FSTL4: variants seen among roughly 807,000 people sequenced by gnomAD.
The protein encoded by FSTL4 is follistatin like 4.
In FSTL4, 28 loss-of-function variants were observed where a neutral mutation model predicts 78.2. The ratio of observed to expected loss-of-function variants is 0.36; its 90% CI spans 0.27 to 0.49. The LOEUF is 0.49. Ranked by LOEUF, FSTL4 falls within the 20% of genes least tolerant of loss-of-function variation. The pLI, the probability that FSTL4 is intolerant of heterozygous loss-of-function variation, is 0.98. For missense variants in FSTL4, 922 were observed against 1,084.9 expected, an observed-to-expected ratio of 0.85 and a Z score of 2.11; for synonymous variants, 422 against 440.5, an observed-to-expected ratio of 0.96 and a Z score of 0.53.
At chr5:133,750,340 C>T in the FSTL4 span, among the ~76,000 whole-genome samples, 1 of 152,188 alleles carries the variant, frequency 6.6e-6, no homozygotes, top group Admixed American at 6.5e-5. Context: ...GCAGAAGGTG[C>T]TTTTTGGAGA....
In FSTL4 at chr5:133,292,737, C is replaced by CAA. The variant is rs35265254; in HGVS notation, c.727+19915_727+19916dup. 3.7e-3 allele frequency among the ~76,000 whole-genome samples: 535 copies of CAA among 145,438 alleles called. 3 individuals are homozygous for CAA. Among genetic ancestry groups the CAA allele is most frequent in the Middle Eastern group, 6.9e-3 (2 of 288 alleles). On this transcript the variant is annotated intron_variant, in intron 6 of 15. Coordinates refer to ENST00000265342, the MANE Select transcript of FSTL4 (RefSeq NM_015082.2). ...TATTTTATTATAAGGTGAAAAGAGA[C>CAA]AAAAAAAAAATCCTCACAAGGGAAA...
At chr5:133,684,753 C>G in the FSTL4 span, among the ~76,000 whole-genome samples, 1 of 152,162 alleles carries the variant, frequency 6.6e-6, no homozygotes, top group Non-Finnish European at 1.5e-5. Context: ...GCATGGATAT[C>G]ACCCACGGTG....
the FSTL4 span, among the ~76,000 whole-genome samples, chr5:133,635,075 TAA>T: frequency 8.8e-5 from 13 of 148,356 alleles, no homozygotes; most frequent in Admixed American, 2.0e-4. Context: ...TTTTATTCTT[TAA>T]AAAAAAAAAA....
chr5:133,617,655 C>G, the FSTL4 span, among the ~76,000 whole-genome samples: 9,755 of 152,258 alleles, frequency 0.064, 342 homozygotes, highest in Non-Finnish European at 0.073. Context: ...TTCCCCTTCC[C>G]TGCACCTGCT....
At chr5:133,813,145 C>G in the FSTL4 span, among the ~76,000 whole-genome samples, 4 of 150,560 alleles carry the variant, frequency 2.7e-5, no homozygotes, top group Non-Finnish European at 5.9e-5. Flanking sequence ...GGAGGAGAGT[C>G]CACTCTCCTC....
the FSTL4 span, among the ~76,000 whole-genome samples, chr5:133,671,569 C>T: frequency 1.8e-3 from 271 of 152,318 alleles, 1 homozygote; most frequent in Middle Eastern, 0.01. Flanking sequence ...AGGGTACACT[C>T]GCCAGCAGTT....
the FSTL4 span, among the ~76,000 whole-genome samples, chr5:133,660,003 G>C: frequency 1.3e-5 from 2 of 152,194 alleles, no homozygotes; most frequent in Admixed American, 6.5e-5. Flanking sequence ...AAAAGAAAGA[G>C]TTAGGGGCTT....
chr5:133,562,579 C>T (rs1759938684), intron 3 of FSTL4, among the ~76,000 whole-genome samples: 1 of 152,172 alleles, frequency 6.6e-6, no homozygotes, highest in African/African-American at 2.4e-5. Context: ...AAGACAGCAG[C>T]AGCCCTCCTC....
intron 4 of FSTL4, among the ~76,000 whole-genome samples, chr5:133,352,715 T>A (rs1754858386): frequency 6.6e-6 from 1 of 152,214 alleles, no homozygotes. Context: ...TGGTTTTCTA[T>A]TTCTGCGTTA....
chr5:133,739,526 T>G, the FSTL4 span, among the ~76,000 whole-genome samples: 1 of 152,060 alleles, frequency 6.6e-6, no homozygotes, highest in Non-Finnish European at 1.5e-5. Context: ...GACAGGAGAA[T>G]TTCTGAGATG....
the FSTL4 span, among the ~76,000 whole-genome samples, chr5:133,819,610 G>T: frequency 6.6e-6 from 1 of 152,182 alleles, no homozygotes; most frequent in South Asian, 2.1e-4. Flanking sequence ...GGCAGGTTTA[G>T]GTGACCCGAG....
chr5:133,655,900 G>A, the FSTL4 span, among the ~76,000 whole-genome samples: 15 of 152,080 alleles, frequency 9.9e-5, no homozygotes, highest in African/African-American at 2.7e-4. Context: ...ATTACTCCTC[G>A]TTTTGCAGAT....
At chr5:133,607,924 G>C (rs1421160284) in intron 1 of FSTL4, among the ~76,000 whole-genome samples, 2 of 147,726 alleles carry the variant, frequency 1.4e-5, no homozygotes, top group Non-Finnish European at 3.0e-5. Flanking sequence ...GGGAGGGAGG[G>C]AGGGAGGGGA....
intron 6 of FSTL4, among the ~76,000 whole-genome samples, chr5:133,267,026 G>C (rs1195593060): frequency 6.6e-6 from 1 of 152,240 alleles, no homozygotes; most frequent in Non-Finnish European, 1.5e-5. Context: ...TGGCCTGCCA[G>C]TTGGGCAGGG....
At chr5:133,393,227 G>C (rs1237267670) in intron 4 of FSTL4, among the ~76,000 whole-genome samples, 2 of 152,202 alleles carry the variant, frequency 1.3e-5, no homozygotes, top group Non-Finnish European at 2.9e-5. Context: ...TCCAACATGA[G>C]AGACAGTCCG....
chr5:133,685,475 C>A, the FSTL4 span, among the ~76,000 whole-genome samples: 2 of 152,228 alleles, frequency 1.3e-5, no homozygotes, highest in Non-Finnish European at 2.9e-5. Context: ...GAGAGGAAAA[C>A]ACCCAGATGT....
intron 3 of FSTL4, among the ~76,000 whole-genome samples, chr5:133,406,702 G>A (rs898698123): frequency 6.6e-6 from 1 of 152,226 alleles, no homozygotes; most frequent in African/African-American, 2.4e-5. Flanking sequence ...TGTGTAAAGT[G>A]ACTATTATTT....
rs538476219 is a variant in FSTL4, at chr5:133,384,191, G to A, written c.409+16547C>T. ...GGAGGTTGCAACTCAGGAAAGGAAG[G>A]TGCAATGACCCTAGAGTGCAACACT... On this transcript the variant is annotated intron_variant, in intron 4 of 15. Coordinates refer to ENST00000265342, the MANE Select transcript of FSTL4 (RefSeq NM_015082.2). 2.0e-5 allele frequency among the ~76,000 whole-genome samples: 3 copies of A among 152,238 alleles called. No homozygotes were observed. In the South Asian group the frequency reaches 6.2e-4, roughly 32 times the overall value.
the FSTL4 span, among the ~76,000 whole-genome samples, chr5:133,642,847 A>T: frequency 6.6e-6 from 1 of 152,240 alleles, no homozygotes; most frequent in Non-Finnish European, 1.5e-5. Context: ...AAACAAAGAA[A>T]TCACAGGGGT....
Sources: allele counts gnomAD v4.1 joint callset (sites outside exome capture counted in the v4.1 genomes callset), GRCh38; gene constraint gnomAD v4.1.1; transcripts MANE v1.5; gene names NCBI Gene and HGNC (gene_info 2026-07-23, HGNC 2026-07-21).